H2AX: variants seen among roughly 807,000 people sequenced by gnomAD.
The protein encoded by H2AX is histone H2AX.
Under a neutral mutation model 8.0 loss-of-function variants are expected in H2AX, and 2 were observed. That is an observed-to-expected ratio of 0.25 (90% confidence interval 0.10 to 0.79). The LOEUF (loss-of-function observed/expected upper bound fraction) is 0.79, where lower values mean the gene tolerates loss of function less well. Among genes scored for constraint, H2AX ranks in the 30% least tolerant of loss-of-function variants. H2AX has a pLI of 0.69. For missense variants in H2AX, 105 were observed against 201.0 expected (o/e 0.52, Z 2.89); for synonymous variants, 110 against 102.5 (o/e 1.07, Z -0.44).
At position 119,095,383 on chromosome 11, in the gene H2AX, G is replaced by A; in HGVS notation, c.12C>T (p.Arg4=). 1.9e-6 allele frequency: 3 copies of A among 1,564,452 alleles called. No individual in the cohort carries two copies. In the East Asian group the frequency reaches 6.8e-5, roughly 35 times the overall value. MSG[R]GKTGGKARAK... ...CGCGGGCCTTGCCGCCAGTCTTGCCGCGGCCCGACATGCTAGCGAGGTAGA... is the reference window on the plus strand; with the variant it reads ...CGCGGGCCTTGCCGCCAGTCTTGCCACGGCCCGACATGCTAGCGAGGTAGA... Residue 4 remains arginine, a synonymous_variant, in exon 1 of 1, where the codon CGC becomes CGT. Coordinates refer to ENST00000530167, the MANE Select transcript of H2AX (RefSeq NM_002105.3).
At position 119,095,004 on chromosome 11, in the gene H2AX, A is replaced by G; in HGVS notation, c.391T>C (p.Ser131Pro). The G allele has an allele frequency of 6.2e-7, 1 of 1,612,726 alleles. No individual in the cohort carries two copies. The highest frequency in any genetic ancestry group is 8.5e-7 in the Non-Finnish European group (1 of 1,179,488). Residue 131 changes from serine to proline, a missense_variant, in exon 1 of 1, where the codon TCG becomes CCG. Physicochemically the swap from Ser to Pro is moderately conservative, Grantham distance 74 (BLOSUM62 -1). Transcript: ENST00000530167. ...TSATVGPKAP[S>P]GGKKATQASQ... ...GCCTGGGTGGCCTTCTTGCCGCCCG[A>G]GGGCGCCTTCGGCCCCACGGTGGCG...
rs1295330540 is a variant in H2AX, at chr11:119,095,323, G to A, written c.72C>T (p.Leu24=). The change falls in exon 1 of 1, where the codon CTC becomes CTT. Residue 24 remains leucine, a synonymous_variant. Transcript: ENST00000530167. ...KAKSRSSRAG[L]QFPVGRVHRL... ...GGTGTACACGGCCCACTGGGAACTG[G>A]AGGCCGGCGCGCGACGAGCGCGACT... 7 of 1,606,098 alleles carry A rather than the reference G, an allele frequency of 4.4e-6. No homozygotes were observed. The highest frequency in any genetic ancestry group is 1.1e-5 in the South Asian group (1 of 90,690).
Position 119,094,789 on chromosome 11 carries a change from A to C in H2AX, c.*174T>G. Reference sequence around the variant, plus strand: ...GGGACGGGAGCGGGGGCGGGCGGGGACTCGAGGCCGGGCGGCGAAGGCGGG... The same window carrying C: ...GGGACGGGAGCGGGGGCGGGCGGGGCCTCGAGGCCGGGCGGCGAAGGCGGG... On this transcript the variant is annotated 3_prime_UTR_variant, in exon 1 of 1. Transcript: ENST00000530167. The C allele has an allele frequency of 3.0e-6, 2 of 661,418 alleles. No homozygotes were observed. The highest frequency in any genetic ancestry group is 2.4e-6 in the Non-Finnish European group (1 of 412,494). The allele number at this position is 661,418 out of a possible 1,614,324, so 41.0% of individuals were successfully genotyped here. A position where few individuals can be genotyped will look rare whatever the true frequency, so the allele number is the denominator to read the frequency against.
At position 119,095,420 on chromosome 11, in the gene H2AX, C is replaced by T; in HGVS notation, c.-26G>A. ...GCTAGCGAGGTAGACCGGTGAAGCACGACGGCTCAAACACTAGAACAGACG... is the reference window on the plus strand; with the variant it reads ...GCTAGCGAGGTAGACCGGTGAAGCATGACGGCTCAAACACTAGAACAGACG... On this transcript the variant is annotated 5_prime_UTR_variant, in exon 1 of 1. It adds an upstream start codon to the 5' untranslated region. Transcript: ENST00000530167. The T allele has an allele frequency of 6.7e-7, 1 of 1,494,740 alleles. No homozygotes were observed. 92.6% of individuals were successfully genotyped at this position (1,494,740 alleles called of 1,614,324 possible).
Position 119,095,444 on chromosome 11 carries a change from C to T in H2AX, c.-50G>A, listed in dbSNP as rs375263112. On this transcript the variant is annotated 5_prime_UTR_variant, in exon 1 of 1. Coordinates refer to ENST00000530167, the MANE Select transcript of H2AX (RefSeq NM_002105.3). ...ACGACGGCTCAAACACTAGAACAGA[C>T]GCCCGCCGCAGTGTAACTGCTGTCG... 1.4e-6 allele frequency: 2 copies of T among 1,451,366 alleles called. No homozygotes were observed. 89.9% of individuals were successfully genotyped at this position (1,451,366 alleles called of 1,614,324 possible).
In H2AX at chr11:119,093,963, A is replaced by G. The variant is rs920498025; in HGVS notation, c.*1000T>C. The stretch of plus-strand genomic sequence containing the variant: ...TAGTCGTGGAAGGGTTAGCTGCAGA[A>G]TTCCAGTTCAGAAGCCAACGGAGGC... On this transcript the variant is annotated 3_prime_UTR_variant, in exon 1 of 1. Transcript: ENST00000530167. 4 of 154,308 alleles carry G rather than the reference A, an allele frequency of 2.6e-5. No individual in the cohort carries two copies. The highest frequency in any genetic ancestry group is 5.8e-5 in the Non-Finnish European group (4 of 69,182). The allele number at this position is 154,308 out of a possible 1,614,324, so 9.6% of individuals were successfully genotyped here.
rs1443610851 is a variant in H2AX at position 119,093,878 on chromosome 11, A to G, written c.*1085T>C. On this transcript the variant is annotated 3_prime_UTR_variant, in exon 1 of 1. Coordinates refer to ENST00000530167, the MANE Select transcript of H2AX (RefSeq NM_002105.3). ...AAAATGAAAACAAACGCTCCATTTA[A>G]AAAAAAAACAATCCTTTAATAAAAT... is the stretch of plus-strand genomic sequence containing the variant. The G allele has an allele frequency of 6.4e-6, 1 of 156,908 alleles. No homozygotes were observed. The highest frequency in any genetic ancestry group is 1.4e-5 in the Non-Finnish European group (1 of 70,514). The allele number at this position is 156,908 out of a possible 1,614,324, so 9.7% of individuals were successfully genotyped here.
rs28990981 is a variant in H2AX, at chr11:119,093,951, G to T, written c.*1012C>A. ...TGCCTAAGGTTCTAGTCGTGGAAGG[G>T]TTAGCTGCAGAATTCCAGTTCAGAA... On this transcript the variant is annotated 3_prime_UTR_variant, in exon 1 of 1. Coordinates refer to ENST00000530167, the MANE Select transcript of H2AX (RefSeq NM_002105.3). 9.3e-3 allele frequency: 1,437 copies of T among 154,748 alleles called. 22 individuals carry two copies. The highest frequency in any genetic ancestry group is 0.033 in the African/African-American group (1,369 of 41,564). The allele number at this position is 154,748 out of a possible 1,614,324, so 9.6% of individuals were successfully genotyped here.
chr11:119,095,268 GC>G lies in H2AX; in HGVS notation c.126del (p.Glu42AspfsTer60), dbSNP rs1373898702. ...TACACTGGCGCGCCGGCGCCAACGC[GC>G]TCGGCGTAGTGGCCCTTCCGCAGCA... ...HRLLRKGHYA[E>X]RVGAGAPVYL... is the part of the protein sequence containing the mutation. On this transcript the variant is annotated frameshift_variant, in exon 1 of 1. Coordinates refer to ENST00000530167, the MANE Select transcript of H2AX (RefSeq NM_002105.3). LOFTEE classifies it high-confidence loss of function. 1 of 1,613,164 alleles carries G rather than the reference GC, an allele frequency of 6.2e-7. No homozygotes were observed. The highest frequency in any genetic ancestry group is 1.3e-5 in the African/African-American group (1 of 74,910).
At position 119,094,924 on chromosome 11, in the gene H2AX, C is replaced by T. The variant is rs772307091; in HGVS notation, c.*39G>A. 5 of 1,560,622 alleles carry T rather than the reference C, an allele frequency of 3.2e-6. No homozygotes were observed. Among genetic ancestry groups the T allele is most frequent in the Non-Finnish European group, 3.5e-6 (4 of 1,156,982 alleles). On this transcript the variant is annotated 3_prime_UTR_variant, in exon 1 of 1. Coordinates refer to ENST00000530167, the MANE Select transcript of H2AX (RefSeq NM_002105.3). Reference sequence around the variant, plus strand: ...GCCCTTAAAAGGGCCTTTGTGGTGGCATGGGGAGGCCTGGCGGCCGGCCGC... The same window carrying T: ...GCCCTTAAAAGGGCCTTTGTGGTGGTATGGGGAGGCCTGGCGGCCGGCCGC...
At position 119,094,945 on chromosome 11, in the gene H2AX, G is replaced by C. The variant is rs375166958; in HGVS notation, c.*18C>G. On this transcript the variant is annotated 3_prime_UTR_variant, in exon 1 of 1. Coordinates refer to ENST00000530167, the MANE Select transcript of H2AX (RefSeq NM_002105.3). ...GTGGCATGGGGAGGCCTGGCGGCCG[G>C]CCGCGGCGCGGGCCCTCTTAGTACT... 1 of 1,584,442 alleles carries C rather than the reference G, an allele frequency of 6.3e-7. No homozygotes were observed. The highest frequency in any genetic ancestry group is 1.1e-5 in the South Asian group (1 of 88,210).
In H2AX at chr11:119,094,757, G is replaced by T; in HGVS notation, c.*206C>A. The T allele has an allele frequency of 3.7e-6, 2 of 541,334 alleles. No homozygotes were observed. Among genetic ancestry groups the T allele is most frequent in the South Asian group, 2.7e-5 (1 of 36,448 alleles). 33.5% of individuals were successfully genotyped at this position (541,334 alleles called of 1,614,324 possible). A position where few individuals can be genotyped will look rare whatever the true frequency, so the allele number is the denominator to read the frequency against. On this transcript the variant is annotated 3_prime_UTR_variant, in exon 1 of 1. Coordinates refer to ENST00000530167, the MANE Select transcript of H2AX (RefSeq NM_002105.3). ...GCAGGGCCCGAGGCCGACGCGGCAG[G>T]CGGTGCGGGACGGGAGCGGGGGCGG... is the stretch of plus-strand genomic sequence containing the variant.
chr11:119,094,868 C>A lies in H2AX; in HGVS notation c.*95G>T. On this transcript the variant is annotated 3_prime_UTR_variant, in exon 1 of 1. Transcript: ENST00000530167. ...GGCCCGCTTGCCCCGCAGTCTGAAG[C>A]GGCTCAGCTCTTTCCATGAGGGCGG... 7.8e-7 allele frequency: 1 copy of A among 1,282,922 alleles called. No individual in the cohort carries two copies. Among genetic ancestry groups the A allele is most frequent in the Non-Finnish European group, 1.0e-6 (1 of 957,302 alleles). The allele number at this position is 1,282,922 out of a possible 1,614,324, so 79.5% of individuals were successfully genotyped here. A position where few individuals can be genotyped will look rare whatever the true frequency, so the allele number is the denominator to read the frequency against.
At position 119,095,307 on chromosome 11, in the gene H2AX, G is replaced by C; in HGVS notation, c.88C>G (p.Arg30Gly). Residue 30 changes from arginine to glycine, a missense_variant, in exon 1 of 1, where the codon CGT becomes GGT. Around this residue, in one of 3 missense-constraint regions of H2AX, gnomAD observed 55 missense variants for 144.4 expected, o/e 0.38. Transcript: ENST00000530167. ...CCCTTCCGCAGCAGCCGGTGTACACGGCCCACTGGGAACTGGAGGCCGGCG... is the reference window on the plus strand; with the variant it reads ...CCCTTCCGCAGCAGCCGGTGTACACCGCCCACTGGGAACTGGAGGCCGGCG... ...SRAGLQFPVG[R>G]VHRLLRKGHY... The C allele has an allele frequency of 6.2e-7, 1 of 1,610,252 alleles. No individual in the cohort carries two copies. The highest frequency in any genetic ancestry group is 1.1e-5 in the South Asian group (1 of 90,922).
At position 119,094,945 on chromosome 11, in the gene H2AX, G is replaced by A. The variant is rs375166958; in HGVS notation, c.*18C>T. On this transcript the variant is annotated 3_prime_UTR_variant, in exon 1 of 1. Transcript: ENST00000530167. ...GTGGCATGGGGAGGCCTGGCGGCCG[G>A]CCGCGGCGCGGGCCCTCTTAGTACT... 2.5e-6 allele frequency: 4 copies of A among 1,584,442 alleles called. No homozygotes were observed. The highest frequency in any genetic ancestry group is 3.4e-6 in the Non-Finnish European group (4 of 1,168,140).
rs1453340237 is a variant in H2AX, at chr11:119,094,940, G to T, written c.*23C>A. The stretch of plus-strand genomic sequence containing the variant: ...TTGTGGTGGCATGGGGAGGCCTGGC[G>T]GCCGGCCGCGGCGCGGGCCCTCTTA... On this transcript the variant is annotated 3_prime_UTR_variant, in exon 1 of 1. Coordinates refer to ENST00000530167, the MANE Select transcript of H2AX (RefSeq NM_002105.3). 6.3e-7 allele frequency: 1 copy of T among 1,581,742 alleles called. No individual in the cohort carries two copies.
chr11:119,094,763 C>A lies in H2AX; in HGVS notation c.*200G>T, dbSNP rs899789013. On this transcript the variant is annotated 3_prime_UTR_variant, in exon 1 of 1. Coordinates refer to ENST00000530167, the MANE Select transcript of H2AX (RefSeq NM_002105.3). ...CCCGAGGCCGACGCGGCAGGCGGTGCGGGACGGGAGCGGGGGCGGGCGGGG... is the reference window on the plus strand; with the variant it reads ...CCCGAGGCCGACGCGGCAGGCGGTGAGGGACGGGAGCGGGGGCGGGCGGGG... 7.0e-6 allele frequency: 4 copies of A among 567,584 alleles called. No homozygotes were observed. In the South Asian group the frequency reaches 9.9e-5, roughly 14 times the overall value. The allele number at this position is 567,584 out of a possible 1,614,324, so 35.2% of individuals were successfully genotyped here. A position where few individuals can be genotyped will look rare whatever the true frequency, so the allele number is the denominator to read the frequency against.
At position 119,095,136 on chromosome 11, in the gene H2AX, C is replaced by T; in HGVS notation, c.259G>A (p.Ala87Thr). ...TRIIPRHLQL[A>T]IRNDEELNKL... ...TTGAGCTCCTCGTCGTTGCGGATGG[C>T]CAGCTGCAGGTGGCGGGGGATGATT... Residue 87 changes from alanine to threonine, a missense_variant, in exon 1 of 1, where the codon GCC (alanine) becomes ACC (threonine). Coordinates refer to ENST00000530167, the MANE Select transcript of H2AX (RefSeq NM_002105.3). The T allele has an allele frequency of 6.2e-7, 1 of 1,614,026 alleles. No individual in the cohort carries two copies. The highest frequency in any genetic ancestry group is 8.5e-7 in the Non-Finnish European group (1 of 1,179,892).
In H2AX at chr11:119,095,364, CCTTGCCGCCAGT is replaced by C. The variant is rs2134893816; in HGVS notation, c.19_30del (p.Thr7_Lys10del). On this transcript the variant is annotated inframe_deletion, in exon 1 of 1. Transcript: ENST00000530167. ...GAGCGCGACTTGGCCTTGGCGCGGG[CCTTGCCGCCAGT>C]CTTGCCGCGGCCCGACATGCTAGCG... 2.5e-6 allele frequency: 4 copies of C among 1,581,500 alleles called. No individual in the cohort carries two copies. The highest frequency in any genetic ancestry group is 3.4e-6 in the Non-Finnish European group (4 of 1,167,296).
Sources: allele counts gnomAD v4.1 joint callset, GRCh38; gene constraint gnomAD v4.1.1; regional missense constraint gnomAD v4.1.1; transcripts MANE v1.5; gene names NCBI Gene and HGNC (gene_info 2026-07-23, HGNC 2026-07-21).